SLC26A7: variants seen among roughly 807,000 people sequenced by gnomAD.
SLC26A7 encodes anion exchange transporter.
Under a neutral mutation model 82.5 loss-of-function variants are expected in SLC26A7, and 59 were observed. The ratio of observed to expected loss-of-function variants is 0.72; its 90% CI spans 0.58 to 0.89. SLC26A7 has a LOEUF of 0.89. Among genes scored for constraint, SLC26A7 ranks in the 40% least tolerant of loss-of-function variants. The probability of loss-of-function intolerance (pLI) is 0.00; values close to 1 mark genes in which losing one functional copy is unlikely to be tolerated. For synonymous variants in SLC26A7, 271 were observed against 274.3 expected, an observed-to-expected ratio of 0.99 and a Z score of 0.12; for missense variants, 820 against 793.0, an observed-to-expected ratio of 1.03 and a Z score of -0.41.
At chr8:91,227,842 G>A (rs1810258116) in intron 2 of SLC26A7, among the ~76,000 whole-genome samples, 1 of 151,950 alleles carries the variant, frequency 6.6e-6, no homozygotes, top group Non-Finnish European at 1.5e-5. Context: ...AACTCTCGTT[G>A]GTATTTCTTC....
intron 16 of SLC26A7, among the ~76,000 whole-genome samples, chr8:91,389,904 G>C (rs1814907980): frequency 6.6e-6 from 1 of 152,144 alleles, no homozygotes; most frequent in Non-Finnish European, 1.5e-5. Flanking sequence ...GCTTTTCTCT[G>C]TTCTCTCAGG....
At chr8:91,296,509 G>T (rs75016592) in intron 4 of SLC26A7, among the ~76,000 whole-genome samples, 1,781 of 152,172 alleles carry the variant, frequency 0.012, 30 homozygotes, top group African/African-American at 0.041. Flanking sequence ...TAAACACCAA[G>T]AAGGGCGAAA....
At chr8:91,336,572 G>A (rs1456688771) in intron 6 of SLC26A7, among the ~76,000 whole-genome samples, 1 of 151,930 alleles carries the variant, frequency 6.6e-6, no homozygotes, top group Non-Finnish European at 1.5e-5. Flanking sequence ...GATCCCCGGT[G>A]CCAAAAAGGT....
chr8:91,297,697 C>A (rs908202664), intron 4 of SLC26A7, among the ~76,000 whole-genome samples: 1 of 152,132 alleles, frequency 6.6e-6, no homozygotes, highest in Non-Finnish European at 1.5e-5. Context: ...CAACTAGAAA[C>A]TTCAAGAGTT....
upstream of SLC26A7, among the ~76,000 whole-genome samples, chr8:91,244,958 A>T (rs1020807321): frequency 1.3e-5 from 2 of 152,220 alleles, no homozygotes; most frequent in Admixed American, 6.5e-5. Context: ...ATCCAAAGAA[A>T]GCAAAGTAAG....
chr8:91,243,817 G>A (rs1030634278), intron 2 of SLC26A7, among the ~76,000 whole-genome samples: 2 of 152,116 alleles, frequency 1.3e-5, no homozygotes, highest in African/African-American at 2.4e-5. Context: ...TACATTAAGT[G>A]TAAATGGTCT....
chr8:91,337,714 G>A (rs148823948), intron 6 of SLC26A7, among the ~76,000 whole-genome samples: 2,464 of 152,268 alleles, frequency 0.016, 21 homozygotes, highest in Non-Finnish European at 0.025. Flanking sequence ...CATGGATTAG[G>A]AATATCGATG....
chr8:91,388,938 A>G lies in SLC26A7; in HGVS notation c.1676-400A>G, dbSNP rs557629269. On this transcript the variant is annotated intron_variant, in intron 15 of 18. Coordinates refer to ENST00000276609, the MANE Select transcript of SLC26A7 (RefSeq NM_052832.4). ...ACGGGGCTCTACTCCGGGCATACCT[A>G]CTAAGGAAACATTGTGATATTGTGG... 3.3e-5 allele frequency among the ~76,000 whole-genome samples: 5 copies of G among 152,164 alleles called. No individual in the cohort carries two copies. The East Asian group carries it at 9.7e-4, about 29-fold the overall frequency.
chr8:91,221,371 A>T (rs1219402367), intron 2 of SLC26A7, among the ~76,000 whole-genome samples: 2 of 152,136 alleles, frequency 1.3e-5, no homozygotes, highest in Non-Finnish European at 2.9e-5. Flanking sequence ...GAAGCTCTTT[A>T]GTTTAATTAG....
intron 15 of SLC26A7, among the ~76,000 whole-genome samples, chr8:91,378,761 A>C (rs1814589226): frequency 6.6e-6 from 1 of 151,880 alleles, no homozygotes; most frequent in African/African-American, 2.4e-5. Flanking sequence ...TTATACAGGC[A>C]GGTTTCTGTC....
At chr8:91,382,923 T>G (rs1250852712) in intron 15 of SLC26A7, among the ~76,000 whole-genome samples, 1 of 152,154 alleles carries the variant, frequency 6.6e-6, no homozygotes, top group Non-Finnish European at 1.5e-5. Flanking sequence ...ACTGATGAAG[T>G]TGAGGCCCGT....
intron 4 of SLC26A7, among the ~76,000 whole-genome samples, chr8:91,296,587 A>G (rs906504043): frequency 6.6e-6 from 1 of 152,198 alleles, no homozygotes; most frequent in African/African-American, 2.4e-5. Context: ...GAAGCATTAA[A>G]ATTCTTAGAG....
chr8:91,325,919 A>G (rs560749182), intron 5 of SLC26A7, among the ~76,000 whole-genome samples: 76 of 152,204 alleles, frequency 5.0e-4, no homozygotes, highest in African/African-American at 1.8e-3. Context: ...CTTGGTTTCT[A>G]TTTCTACAGA....
At chr8:91,225,870 C>G (rs906439655) in intron 2 of SLC26A7, among the ~76,000 whole-genome samples, 14 of 151,944 alleles carry the variant, frequency 9.2e-5, no homozygotes, top group African/African-American at 3.4e-4. Flanking sequence ...TGGCAACTGG[C>G]ATTTCAGAGG....
intron 15 of SLC26A7, among the ~76,000 whole-genome samples, chr8:91,374,842 AC>A (rs1408719902): frequency 1.3e-5 from 2 of 151,998 alleles, no homozygotes. Context: ...GAAGTCCCCC[AC>A]TATTATCATC....
Position 91,395,677 on chromosome 8 carries a change from C to G in SLC26A7, c.*580C>G, listed in dbSNP as rs1198646089. ...GGAAATAATTCGTTTCCATATCTTT[C>G]CATACATCCATTTCTGAAGTATTCA... On this transcript the variant is annotated 3_prime_UTR_variant, in exon 19 of 19. Transcript: ENST00000276609. The G allele has an allele frequency of 6.6e-6, 1 of 152,180 alleles. No homozygotes were observed. 9.4% of individuals were successfully genotyped at this position (152,180 alleles called of 1,614,324 possible).
At chr8:91,358,771 G>A (rs561964670) in intron 11 of SLC26A7, among the ~76,000 whole-genome samples, 4 of 152,298 alleles carry the variant, frequency 2.6e-5, no homozygotes, top group African/African-American at 7.2e-5. Context: ...ATGAGTTCAT[G>A]TCCTTTGTAG....
chr8:91,319,365 G>A (rs549762841), intron 5 of SLC26A7, among the ~76,000 whole-genome samples: 1 of 152,224 alleles, frequency 6.6e-6, no homozygotes, highest in South Asian at 2.1e-4. Context: ...TGTCAACTCT[G>A]GTTATGGCTA....
intron 11 of SLC26A7, among the ~76,000 whole-genome samples, chr8:91,361,186 C>G (rs1246682511): frequency 6.6e-6 from 1 of 152,120 alleles, no homozygotes; most frequent in African/African-American, 2.4e-5. Flanking sequence ...CTTTTCAAAA[C>G]AGTCTGTTAA....
Sources: gnomAD v4.1 joint callset for allele counts (sites outside exome capture counted in the v4.1 genomes callset) on GRCh38, gnomAD v4.1.1 for gene constraint, MANE v1.5 for transcripts, NCBI Gene and HGNC (gene_info 2026-07-23, HGNC 2026-07-21) for gene names.